KIAA1217: variants seen among roughly 807,000 people sequenced by gnomAD.
KIAA1217 encodes the protein sickle tail protein homolog.
In KIAA1217, 88 loss-of-function variants were observed where a neutral mutation model predicts 163.9. The ratio of observed to expected loss-of-function variants is 0.54; its 90% CI spans 0.45 to 0.64. The LOEUF (loss-of-function observed/expected upper bound fraction) is 0.64. Among genes scored for constraint, KIAA1217 ranks in the 30% least tolerant of loss-of-function variants. The pLI, the probability that KIAA1217 is intolerant of heterozygous loss-of-function variation, is 0.00. For missense variants in KIAA1217, 2,372 were observed against 2,475.0 expected, an observed-to-expected ratio of 0.96 and a Z score of 0.88; for synonymous variants, 903 against 923.1, an observed-to-expected ratio of 0.98 and a Z score of 0.39.
At chr10:23,933,589 A>G (rs933692049) in intron 1 of KIAA1217, among the ~76,000 whole-genome samples, 8 of 152,202 alleles carry the variant, frequency 5.3e-5, no homozygotes, top group Non-Finnish European at 8.8e-5. Context: ...AGAAACTATC[A>G]TCCAAGTGAG....
Position 24,249,798 on chromosome 10 carries a change from G to A in KIAA1217, c.354+29889G>A, listed in dbSNP as rs77001663. The stretch of plus-strand genomic sequence containing the variant: ...AGGCTGAGACTAGCCTAGACAGTTC[G>A]TTCTTTAGACAACAGGAGTGGAGAT... On this transcript the variant is annotated intron_variant, in intron 2 of 20. Transcript: ENST00000376454. Among the ~76,000 whole-genome samples the A allele has an allele frequency of 5.4e-3, 815 of 152,230 alleles. 6 individuals are homozygous for A. Among genetic ancestry groups the A allele is most frequent in the Non-Finnish European group, 7.0e-3 (474 of 68,016 alleles).
chr10:24,546,956 T>C lies in KIAA1217; in HGVS notation c.*632T>C, dbSNP rs532036294. The C allele has an allele frequency of 5.9e-5, 9 of 152,638 alleles. No individual in the cohort carries two copies. In the South Asian group the frequency reaches 1.9e-3, roughly 32 times the overall value. 9.5% of individuals were successfully genotyped at this position (152,638 alleles called of 1,614,324 possible). A position where few individuals can be genotyped will look rare whatever the true frequency, so the allele number is the denominator to read the frequency against. ...AGACAGGCATGTGTAGAAGGCAATT[T>C]ATCAAACCTATTGCACTGCCATGAA... On this transcript the variant is annotated 3_prime_UTR_variant, in exon 21 of 21. Coordinates refer to ENST00000376454, the MANE Select transcript of KIAA1217 (RefSeq NM_019590.5).
intron 2 of KIAA1217, among the ~76,000 whole-genome samples, chr10:24,198,987 G>A (rs2067121362): frequency 6.6e-6 from 1 of 152,332 alleles, no homozygotes; most frequent in South Asian, 2.1e-4. Context: ...GGGAGGCTGA[G>A]GTGGAAAGAC....
chr10:24,423,347 C>A (rs969668375), intron 3 of KIAA1217, among the ~76,000 whole-genome samples: 4 of 151,958 alleles, frequency 2.6e-5, no homozygotes, highest in African/African-American at 4.8e-5. Flanking sequence ...TGCAGTGGCA[C>A]AATCTCGGCT....
intron 2 of KIAA1217, among the ~76,000 whole-genome samples, chr10:24,165,463 A>G (rs7084371): frequency 0.38 from 57,345 of 151,986 alleles, 11,038 homozygotes; most frequent in African/African-American, 0.45. Context: ...GGATTCGCCT[A>G]ATCCCTCTCC....
chr10:24,172,424 C>T lies in KIAA1217; in HGVS notation c.-170-47202C>T, dbSNP rs184133681. On this transcript the variant is annotated intron_variant, in intron 2 of 18. Coordinates refer to the KIAA1217 transcript ENST00000376462. Reference sequence around the variant, plus strand: ...TTTTGAGAAGCAGTTTGTGTAGTCCCTAAGAGCACAAAAACCAGAGCCAAA... The same window carrying T: ...TTTTGAGAAGCAGTTTGTGTAGTCCTTAAGAGCACAAAAACCAGAGCCAAA... Among the ~76,000 whole-genome samples, 406 of 152,258 alleles carry T rather than the reference C, an allele frequency of 2.7e-3. 3 individuals carry two copies. Among genetic ancestry groups the T allele is most frequent in the African/African-American group, 9.4e-3 (391 of 41,556 alleles).
At chr10:24,326,005 A>G (rs1235925331) in intron 2 of KIAA1217, among the ~76,000 whole-genome samples, 2 of 152,166 alleles carry the variant, frequency 1.3e-5, no homozygotes, top group African/African-American at 4.8e-5. Context: ...AGTTTTAGGT[A>G]TACCAGTTAA....
intron 2 of KIAA1217, among the ~76,000 whole-genome samples, chr10:24,087,744 G>A (rs576084259): frequency 6.6e-6 from 1 of 152,296 alleles, no homozygotes; most frequent in South Asian, 2.1e-4. Context: ...ATGAGATGTG[G>A]GGTTTATTCC....
chr10:24,022,894 C>T (rs569331259), intron 2 of KIAA1217, among the ~76,000 whole-genome samples: 1 of 148,044 alleles, frequency 6.8e-6, no homozygotes, highest in African/African-American at 2.5e-5. Context: ...AAACTTTTAA[C>T]AGTCAGGAAC....
chr10:24,134,836 C>G, intron 2 of KIAA1217, among the ~76,000 whole-genome samples: 1 of 152,100 alleles, frequency 6.6e-6, no homozygotes, highest in Non-Finnish European at 1.5e-5. Flanking sequence ...TTCAGCTTCC[C>G]AAAGTTCTGG....
At position 24,473,929 on chromosome 10, in the gene KIAA1217, C is replaced by A; in HGVS notation, c.1548C>A (p.Gly516=). 1 of 1,614,172 alleles carries A rather than the reference C, an allele frequency of 6.2e-7. No individual in the cohort carries two copies. The highest frequency in any genetic ancestry group is 1.3e-5 in the African/African-American group (1 of 75,056). The change falls in exon 6 of 21, where the codon GGC becomes GGA. Residue 516 remains glycine (G), a synonymous_variant. Transcript: ENST00000376454. ...PSRQAFKKEP[G]TLVYIEKPRS... ...GCCAGGCCTTTAAAAAGGAGCCAGG[C>A]ACCTTGGTGTATATAGAAAAGCCAC...
At chr10:24,362,624 G>A (rs555798015) in intron 2 of KIAA1217, among the ~76,000 whole-genome samples, 67 of 152,206 alleles carry the variant, frequency 4.4e-4, no homozygotes, top group African/African-American at 1.0e-3. Flanking sequence ...ATATATTTTC[G>A]TTTACCATGG....
At chr10:24,026,286 T>C (rs1477827802) in intron 2 of KIAA1217, among the ~76,000 whole-genome samples, 1 of 151,956 alleles carries the variant, frequency 6.6e-6, no homozygotes, top group Non-Finnish European at 1.5e-5. Context: ...GGCCTCAGAC[T>C]GAGTTAGAAA....
At chr10:23,728,646 C>CAGA (rs1218525022) in intron 1 of KIAA1217, among the ~76,000 whole-genome samples, 3 of 152,114 alleles carry the variant, frequency 2.0e-5, no homozygotes, top group Admixed American at 2.0e-4. Context: ...TTTTGCTGTG[C>CAGA]AGAAGCTTTT....
chr10:24,137,517 A>G (rs2131823779), intron 2 of KIAA1217, among the ~76,000 whole-genome samples: 1 of 152,348 alleles, frequency 6.6e-6, no homozygotes, highest in Admixed American at 6.5e-5. Context: ...GATGTCTAGC[A>G]CCACTAATGT....
intron 1 of KIAA1217, among the ~76,000 whole-genome samples, chr10:23,729,434 G>A (rs6482327): frequency 0.22 from 33,252 of 151,968 alleles, 3,877 homozygotes; most frequent in Middle Eastern, 0.29. Flanking sequence ...GAGAGTTCCC[G>A]TTACTCCACA....
At chr10:24,069,631 C>G (rs1016090892) in intron 2 of KIAA1217, among the ~76,000 whole-genome samples, 1 of 152,122 alleles carries the variant, frequency 6.6e-6, no homozygotes, top group African/African-American at 2.4e-5. Flanking sequence ...TCCAATTTTC[C>G]CACCAGTTTT....
chr10:24,235,707 C>T (rs1046000607), intron 2 of KIAA1217, among the ~76,000 whole-genome samples: 2 of 152,154 alleles, frequency 1.3e-5, no homozygotes, highest in African/African-American at 4.8e-5. Flanking sequence ...CAGCTAAATA[C>T]ATACTGCTTC....
intron 1 of KIAA1217, among the ~76,000 whole-genome samples, chr10:23,808,449 A>G (rs1245394223): frequency 6.6e-6 from 1 of 152,232 alleles, no homozygotes; most frequent in Non-Finnish European, 1.5e-5. Context: ...GTTGTATAAC[A>G]TGTTTTTATA....
Sources: allele counts gnomAD v4.1 joint callset (sites outside exome capture counted in the v4.1 genomes callset), GRCh38; gene constraint gnomAD v4.1.1; transcripts MANE v1.5; gene names NCBI Gene and HGNC (gene_info 2026-07-23, HGNC 2026-07-21).